The following TMEM132D variants were observed in gnomAD, a reference collection of about 807,000 sequenced individuals.
TMEM132D encodes transmembrane protein 132D.
In TMEM132D, 21 loss-of-function variants were observed where a neutral mutation model predicts 62.3. That is an observed-to-expected ratio of 0.34 (90% CI 0.24 to 0.49). The LOEUF (loss-of-function observed/expected upper bound fraction) is 0.49. Among genes scored for constraint, TMEM132D ranks in the 20% least tolerant of loss-of-function variants. The pLI is 0.99. For synonymous variants in TMEM132D, 621 were observed against 575.6 expected, an observed-to-expected ratio of 1.08 and a Z score of -1.13; for missense variants, 1,346 against 1,402.8, an observed-to-expected ratio of 0.96 and a Z score of 0.65.
intron 5 of TMEM132D, among the ~76,000 whole-genome samples, chr12:129,101,055 G>A: frequency 6.6e-6 from 1 of 151,936 alleles, no homozygotes; most frequent in East Asian, 1.9e-4. Flanking sequence ...CTAGGCGGTG[G>A]CAGGGATCTA....
chr12:129,257,454 C>T (rs1880437865), intron 4 of TMEM132D, among the ~76,000 whole-genome samples: 1 of 152,040 alleles, frequency 6.6e-6, no homozygotes, highest in Non-Finnish European at 1.5e-5. Context: ...CGTGATCTGC[C>T]CGCCTCGGCC....
chr12:129,617,770 C>A (rs562670945), intron 2 of TMEM132D, among the ~76,000 whole-genome samples: 37 of 152,258 alleles, frequency 2.4e-4, no homozygotes, highest in African/African-American at 8.9e-4. Context: ...TCTGATGCCT[C>A]TTTTCATAAG....
rs970399565 is a variant in TMEM132D, at chr12:129,296,584, T to C, written c.1299+41050A>G. ...GTGACAGATAAATCTGGATATAGGC[T>C]GTAATTCTGTTTTCCTGAAGTTTCC... On this transcript the variant is annotated intron_variant, in intron 4 of 8. Transcript: ENST00000422113. Among the ~76,000 whole-genome samples the C allele has an allele frequency of 5.9e-5, 9 of 152,204 alleles. No individual in the cohort carries two copies. The South Asian group carries it at 1.0e-3, about 18-fold the overall frequency.
intron 2 of TMEM132D, among the ~76,000 whole-genome samples, chr12:129,554,003 A>G (rs1876978276): frequency 6.6e-6 from 1 of 152,182 alleles, no homozygotes; most frequent in Non-Finnish European, 1.5e-5. Flanking sequence ...CCTTTAATCA[A>G]CACTATCTAA....
At chr12:129,081,719 A>C in intron 7 of TMEM132D, 40 bp downstream of exon 7, 1 of 1,535,682 alleles carries the variant, frequency 6.5e-7, no homozygotes, top group Non-Finnish European at 8.7e-7. Flanking sequence ...GTGGGAAGAC[A>C]GAGAGATCTT....
At chr12:129,631,169 A>G (rs1879336425) in intron 2 of TMEM132D, among the ~76,000 whole-genome samples, 1 of 152,204 alleles carries the variant, frequency 6.6e-6, no homozygotes, top group African/African-American at 2.4e-5. Context: ...AGGAGGAGGT[A>G]CAAAAGCCAG....
At chr12:129,230,932 G>T (rs1011765717) in intron 4 of TMEM132D, among the ~76,000 whole-genome samples, 1 of 152,184 alleles carries the variant, frequency 6.6e-6, no homozygotes, top group Non-Finnish European at 1.5e-5. Flanking sequence ...CTGCAAACCT[G>T]CCAGCCACTT....
chr12:129,415,522 G>A (rs111883126), intron 3 of TMEM132D, among the ~76,000 whole-genome samples: 24 of 152,328 alleles, frequency 1.6e-4, no homozygotes, highest in African/African-American at 4.8e-4. Context: ...TTCTGCCAGA[G>A]ATGAGATTTG....
chr12:129,318,518 G>A (rs1173605600), intron 4 of TMEM132D, among the ~76,000 whole-genome samples: 1 of 152,164 alleles, frequency 6.6e-6, no homozygotes, highest in Non-Finnish European at 1.5e-5. Context: ...TCTCATCCAT[G>A]GATAACAGTG....
intron 1 of TMEM132D, among the ~76,000 whole-genome samples, chr12:129,787,914 C>A (rs1185066378): frequency 1.3e-5 from 2 of 152,096 alleles, no homozygotes; most frequent in African/African-American, 4.8e-5. Context: ...GAAGGCCCAG[C>A]CAAAAAACCT....
intron 3 of TMEM132D, among the ~76,000 whole-genome samples, chr12:129,367,296 C>T (rs1185573988): frequency 6.6e-6 from 1 of 152,228 alleles, no homozygotes; most frequent in Non-Finnish European, 1.5e-5. Flanking sequence ...GTACTTACCA[C>T]TTTCAGGTGG....
intron 1 of TMEM132D, among the ~76,000 whole-genome samples, chr12:129,892,626 T>G (rs558636369): frequency 1.2e-4 from 19 of 152,328 alleles, no homozygotes; most frequent in African/African-American, 4.6e-4. Context: ...TTCCCAAGTA[T>G]TATTACTTAT....
intron 4 of TMEM132D, among the ~76,000 whole-genome samples, chr12:129,320,777 A>G (rs920011886): frequency 6.6e-6 from 1 of 152,230 alleles, no homozygotes; most frequent in African/African-American, 2.4e-5. Flanking sequence ...TTGGAGTACA[A>G]TAGGGGCAGT....
At chr12:129,331,643 A>G (rs1045938337) in intron 4 of TMEM132D, among the ~76,000 whole-genome samples, 1 of 152,178 alleles carries the variant, frequency 6.6e-6, no homozygotes, top group African/African-American at 2.4e-5. Context: ...AACAGCCACT[A>G]CCCAAGAGGA....
chr12:129,781,008 G>C (rs971833460), intron 1 of TMEM132D, among the ~76,000 whole-genome samples: 4 of 152,202 alleles, frequency 2.6e-5, no homozygotes, highest in African/African-American at 7.2e-5. Flanking sequence ...CTGCTGGGGG[G>C]TGACAGCAGC....
Position 129,084,834 on chromosome 12 carries a change from G to A in TMEM132D, c.1444-132C>T. 8 of 759,670 alleles carry A rather than the reference G, an allele frequency of 1.1e-5. No homozygotes were observed. In the South Asian group the frequency reaches 1.5e-4, roughly 14 times the overall value. 47.1% of individuals were successfully genotyped at this position (759,670 alleles called of 1,614,324 possible). On this transcript the variant is annotated intron_variant, in intron 5 of 8. Coordinates refer to ENST00000422113, the MANE Select transcript of TMEM132D (RefSeq NM_133448.3). ...CTTTCCTCCCCTTACTATGGGGGAGGAGGTCCTGGTATGGAGCAGACATTG... is the reference window on the plus strand; with the variant it reads ...CTTTCCTCCCCTTACTATGGGGGAGAAGGTCCTGGTATGGAGCAGACATTG...
At chr12:129,408,844 G>C (rs557523081) in intron 3 of TMEM132D, among the ~76,000 whole-genome samples, 1 of 152,244 alleles carries the variant, frequency 6.6e-6, no homozygotes, top group South Asian at 2.1e-4. Context: ...ACCACACTTA[G>C]GTAAATCTGC....
chr12:129,490,104 A>G (rs528565019), intron 3 of TMEM132D, among the ~76,000 whole-genome samples: 1 of 152,372 alleles, frequency 6.6e-6, no homozygotes, highest in East Asian at 1.9e-4. Flanking sequence ...GCTAATGGAC[A>G]CACTGCATTC....
At chr12:129,448,128 C>T (rs889829828) in intron 3 of TMEM132D, among the ~76,000 whole-genome samples, 1 of 152,170 alleles carries the variant, frequency 6.6e-6, no homozygotes, top group African/African-American at 2.4e-5. Flanking sequence ...GCAAGCACCT[C>T]ACTCATTAAT....
Sources: allele counts gnomAD v4.1 joint callset (sites outside exome capture counted in the v4.1 genomes callset), GRCh38; gene constraint gnomAD v4.1.1; transcripts MANE v1.5; gene names NCBI Gene and HGNC (gene_info 2026-07-23, HGNC 2026-07-21).